The following TTBK2 variants were observed in gnomAD, a reference collection of about 807,000 sequenced individuals.
The protein encoded by TTBK2 is tau tubulin kinase 2, also known as tau-tubulin kinase 2.
In TTBK2, 28 loss-of-function variants were observed where a neutral mutation model predicts 110.8. The ratio of observed to expected loss-of-function variants is 0.25; its 90% CI spans 0.19 to 0.35. The LOEUF is 0.35. TTBK2 is among the 10% of genes least tolerant of loss of function. TTBK2 has a pLI of 1.00. For missense variants in TTBK2, 1,369 were observed against 1,500.3 expected (o/e 0.91, Z 1.45); for synonymous variants, 532 against 527.3 (o/e 1.01, Z -0.12).
At chr15:42,901,524 G>A (rs1232588768) in intron 1 of TTBK2, among the ~76,000 whole-genome samples, 1 of 151,730 alleles carries the variant, frequency 6.6e-6, no homozygotes, top group African/African-American at 2.4e-5. Context: ...GCATGTGCCT[G>A]TAGTCCCAGC....
At chr15:42,795,243 T>C (rs1324345042) in intron 9 of TTBK2, among the ~76,000 whole-genome samples, 3 of 150,418 alleles carry the variant, frequency 2.0e-5, no homozygotes, top group Non-Finnish European at 2.9e-5. Context: ...TAGAAGTTCA[T>C]TGTGCTTTCC....
Position 42,745,947 on chromosome 15 carries a change from A to G in TTBK2, c.3583T>C (p.Ser1195Pro). 1 of 1,613,864 alleles carries G rather than the reference A, an allele frequency of 6.2e-7. No individual in the cohort carries two copies. Among genetic ancestry groups the G allele is most frequent in the Admixed American group, 1.7e-5 (1 of 59,992 alleles). ...LGRSKSPPSH[S>P]GSSSSRRSCQ... ...GACCTCCTGGAGGAGGAAGATCCTG[A>G]GTGGCTGGGAGGTGACTTGCTTCTC... Residue 1195 changes from serine (S) to proline (P), a missense_variant, in exon 15 of 15, where the codon TCA becomes CCA. Ser to Pro is a moderately conservative substitution (Grantham distance 74). Transcript: ENST00000267890.
At chr15:42,886,801 A>G (rs1895264469) in intron 1 of TTBK2, among the ~76,000 whole-genome samples, 2 of 152,192 alleles carry the variant, frequency 1.3e-5, no homozygotes, top group Admixed American at 1.3e-4. Flanking sequence ...ATCTTGCTTC[A>G]AGTGCCGGAA....
At chr15:42,891,609 G>A (rs1425694135) in intron 1 of TTBK2, among the ~76,000 whole-genome samples, 2 of 152,130 alleles carry the variant, frequency 1.3e-5, no homozygotes, top group Admixed American at 6.5e-5. Flanking sequence ...AGAGGGTGGT[G>A]TACCCTGGCT....
intron 1 of TTBK2, among the ~76,000 whole-genome samples, chr15:42,890,953 C>T (rs746746357): frequency 4.6e-5 from 7 of 152,182 alleles, no homozygotes; most frequent in Non-Finnish European, 8.8e-5. Context: ...ACTGCAACCT[C>T]TGCCTCCAGG....
chr15:42,889,328 A>C (rs185010815), intron 1 of TTBK2, among the ~76,000 whole-genome samples: 1 of 152,146 alleles, frequency 6.6e-6, no homozygotes, highest in Non-Finnish European at 1.5e-5. Flanking sequence ...GGCCTTTCCC[A>C]CAGGATCTGA....
At chr15:42,893,426 G>A (rs1218871389) in intron 1 of TTBK2, among the ~76,000 whole-genome samples, 1 of 151,998 alleles carries the variant, frequency 6.6e-6, no homozygotes, top group East Asian at 1.9e-4. Flanking sequence ...AGCACAGAAG[G>A]TTGAGGCTCC....
intron 1 of TTBK2, among the ~76,000 whole-genome samples, chr15:42,906,823 T>C (rs1413773581): frequency 6.6e-6 from 1 of 151,546 alleles, no homozygotes; most frequent in Non-Finnish European, 1.5e-5. Flanking sequence ...AACAACTCAA[T>C]AGCAAAAAAA....
At chr15:42,762,410 A>C (rs2062041975) in intron 13 of TTBK2, among the ~76,000 whole-genome samples, 1 of 152,142 alleles carries the variant, frequency 6.6e-6, no homozygotes, top group Admixed American at 6.6e-5. Context: ...ACAACAGATG[A>C]GTGGATAAAG....
At chr15:42,900,154 G>C (rs555982071) in intron 1 of TTBK2, among the ~76,000 whole-genome samples, 2 of 150,824 alleles carry the variant, frequency 1.3e-5, no homozygotes, top group South Asian at 4.2e-4. Flanking sequence ...CACCACGCCC[G>C]GCCAATTTTT....
intron 7 of TTBK2, among the ~76,000 whole-genome samples, chr15:42,815,954 A>ATATATATATATTT (rs1393860735): frequency 5.6e-5 from 3 of 53,376 alleles, no homozygotes; most frequent in East Asian, 4.8e-4. Flanking sequence ...ATATTTAAAA[A>ATATATATATATTT]AAAAATATAT....
At position 42,775,534 on chromosome 15, in the gene TTBK2, A is replaced by G; in HGVS notation, c.1599T>C (p.Asn533=). Residue 533 remains asparagine (N), a synonymous_variant, in exon 13 of 15, where the codon AAT becomes AAC. Transcript: ENST00000267890. ...AGCTCAGGTTAACAGCTATAAATCC[A>G]TTGCTGCCACCACCATCTGCCTGCT... ...TPEQADGGGS[N]GFIAVNLSSC... is the part of the protein sequence containing the mutation. 1 of 1,614,170 alleles carries G rather than the reference A, an allele frequency of 6.2e-7. No individual in the cohort carries two copies. Among genetic ancestry groups the G allele is most frequent in the African/African-American group, 1.3e-5 (1 of 75,024 alleles).
rs375039510 is a variant in TTBK2 at position 42,745,934 on chromosome 15, G to A, written c.3596C>T (p.Ser1199Phe). Reference protein sequence around the residue: ...KSPPSHSGSSSSRRSCQQEHC... With the variant: ...KSPPSHSGSSFSRRSCQQEHC... ...CTCCTGTTGGCAGGACCTCCTGGAG[G>A]AGGAAGATCCTGAGTGGCTGGGAGG... is the stretch of plus-strand genomic sequence containing the variant. Residue 1199 changes from serine (S) to phenylalanine (F), a missense_variant, in exon 15 of 15, where the codon TCC (serine) becomes TTC (phenylalanine). By Grantham distance (155) the Ser-to-Phe change is radical. Transcript: ENST00000267890. 6.2e-7 allele frequency: 1 copy of A among 1,614,122 alleles called. No individual in the cohort carries two copies. Among genetic ancestry groups the A allele is most frequent in the African/African-American group, 1.3e-5 (1 of 75,018 alleles).
Position 42,872,890 on chromosome 15 carries a change from A to C in TTBK2, c.70-132T>G, listed in dbSNP as rs958706950. On this transcript the variant is annotated intron_variant, in intron 2 of 14. Transcript: ENST00000267890. ...TTGATAAAATATTTAAATATTGTTA[A>C]ATTAACTATGTATATGCCAAGAAGA... 51 of 1,154,236 alleles carry C rather than the reference A, an allele frequency of 4.4e-5. No individual in the cohort carries two copies. The African/African-American group carries it at 7.5e-4, about 17-fold the overall frequency. The allele number at this position is 1,154,236 out of a possible 1,614,324, so 71.5% of individuals were successfully genotyped here. A position where few individuals can be genotyped will look rare whatever the true frequency, so the allele number is the denominator to read the frequency against.
chr15:42,915,304 T>G (rs937203662), intron 1 of TTBK2, among the ~76,000 whole-genome samples: 4 of 152,262 alleles, frequency 2.6e-5, no homozygotes, highest in Admixed American at 6.5e-5. Flanking sequence ...TGTCACTTAG[T>G]AGCCATCTTG....
intron 5 of TTBK2, among the ~76,000 whole-genome samples, chr15:42,829,599 A>G (rs1313088863): frequency 6.6e-6 from 1 of 151,970 alleles, no homozygotes; most frequent in African/African-American, 2.4e-5. Context: ...CACAGGAGCG[A>G]TCATAGCTCA....
chr15:42,783,529 C>T lies in TTBK2; in HGVS notation c.1087G>A (p.Val363Met), dbSNP rs957310022. The T allele has an allele frequency of 1.2e-6, 2 of 1,614,016 alleles. No homozygotes were observed. The highest frequency in any genetic ancestry group is 2.7e-5 in the African/African-American group (2 of 74,900). The change falls in exon 11 of 15, where the codon GTG (valine) becomes ATG (methionine). Residue 363 changes from valine to methionine, a missense_variant. Val to Met is a conservative substitution (Grantham distance 21). Coordinates refer to ENST00000267890, the MANE Select transcript of TTBK2 (RefSeq NM_173500.4). ...SDGENGIPVG[V>M]SPDKLPGSLG... Reference sequence around the variant, plus strand: ...GATCCAGGCAATTTATCTGGTGACACACCAACAGGGATGCCATTTTCTCCA... The same window carrying T: ...GATCCAGGCAATTTATCTGGTGACATACCAACAGGGATGCCATTTTCTCCA...
At chr15:42,810,079 C>T (rs1298406039) in intron 9 of TTBK2, among the ~76,000 whole-genome samples, 2 of 152,062 alleles carry the variant, frequency 1.3e-5, no homozygotes, top group South Asian at 2.1e-4. Flanking sequence ...TCTGAAATAC[C>T]GCTGGTTGGG....
At chr15:42,815,867 T>A (rs1214455229) in intron 7 of TTBK2, among the ~76,000 whole-genome samples, 11 of 120,228 alleles carry the variant, frequency 9.1e-5, no homozygotes, top group South Asian at 4.9e-4. Context: ...TCTATATATA[T>A]ATATTTAAAT....
Sources: allele counts gnomAD v4.1 joint callset (sites outside exome capture counted in the v4.1 genomes callset), GRCh38; gene constraint gnomAD v4.1.1; transcripts MANE v1.5; gene names NCBI Gene and HGNC (gene_info 2026-07-23, HGNC 2026-07-21).